The following SMC5 variants were observed in gnomAD, a reference collection of about 807,000 sequenced individuals.
SMC5 encodes the protein structural maintenance of chromosomes protein 5.
A neutral mutation model predicts 148.3 loss-of-function variants in SMC5; 88 were observed. The ratio of observed to expected loss-of-function variants is 0.59; its 90% CI spans 0.50 to 0.71. SMC5 has a LOEUF of 0.71. Among genes scored for constraint, SMC5 ranks in the 30% least tolerant of loss-of-function variants. SMC5 has a pLI of 0.00. For missense variants in SMC5, 1,142 were observed against 1,298.9 expected (o/e 0.88, Z 1.86); for synonymous variants, 421 against 432.8 (o/e 0.97, Z 0.34).
At chr9:70,268,284 A>G (rs2034346977) in intron 3 of SMC5, among the ~76,000 whole-genome samples, 1 of 152,122 alleles carries the variant, frequency 6.6e-6, no homozygotes, top group South Asian at 2.1e-4. Flanking sequence ...CGTCTCTACT[A>G]AAAATAGAAA....
chr9:70,294,206 C>G (rs2035137606), intron 8 of SMC5, among the ~76,000 whole-genome samples: 1 of 151,998 alleles, frequency 6.6e-6, no homozygotes, highest in East Asian at 1.9e-4. Flanking sequence ...GGAAGGAAGG[C>G]AGCAATAAAG....
intron 3 of SMC5, among the ~76,000 whole-genome samples, chr9:70,276,082 A>T (rs537967376): frequency 6.6e-6 from 1 of 152,366 alleles, no homozygotes; most frequent in Admixed American, 6.5e-5. Context: ...AGAGGAAATT[A>T]TTAACTTCTG....
chr9:70,277,584 A>G, intron 4 of SMC5, 112 bp downstream of exon 4: 4 of 780,036 alleles, frequency 5.1e-6, no homozygotes, highest in Non-Finnish European at 7.3e-6. Flanking sequence ...TAGCACTCTT[A>G]CAGTTCTTTG....
chr9:70,296,427 T>G (rs1426389908), intron 8 of SMC5, among the ~76,000 whole-genome samples: 3 of 152,034 alleles, frequency 2.0e-5, no homozygotes, highest in African/African-American at 7.2e-5. Flanking sequence ...CCGGGCATGG[T>G]GGCACACGCC....
rs2036855364 is a variant in SMC5, at chr9:70,354,039, C to T, written c.*1708C>T. The T allele has an allele frequency of 6.6e-6, 1 of 152,196 alleles. No individual in the cohort carries two copies. Among genetic ancestry groups the T allele is most frequent in the Non-Finnish European group, 1.5e-5 (1 of 68,030 alleles). 9.4% of individuals were successfully genotyped at this position (152,196 alleles called of 1,614,324 possible). On this transcript the variant is annotated 3_prime_UTR_variant, in exon 25 of 25. Transcript: ENST00000361138. ...AAATGGTCAATTACATTTCAATTTA[C>T]ATAGGCCAACAACTGTTCCATACTT...
At chr9:70,299,128 A>G (rs17052678) in intron 9 of SMC5, among the ~76,000 whole-genome samples, 12,148 of 151,862 alleles carry the variant, frequency 0.08, 594 homozygotes, top group African/African-American at 0.14. Context: ...CTCCCTTCTC[A>G]CATTCTAAAT....
chr9:70,288,528 T>C lies in SMC5; in HGVS notation c.1053+2257T>C, dbSNP rs562316729. 5.9e-5 allele frequency among the ~76,000 whole-genome samples: 9 copies of C among 152,176 alleles called. 1 individual carries two copies. In the South Asian group the frequency reaches 1.7e-3, roughly 28 times the overall value. ...TTCTGCTTTGAGTATTTTTTAACGTTCTTGAATTGTAAAAAGTGTGTTTCT... is the reference window on the plus strand; with the variant it reads ...TTCTGCTTTGAGTATTTTTTAACGTCCTTGAATTGTAAAAAGTGTGTTTCT... On this transcript the variant is annotated intron_variant, in intron 8 of 24. Transcript: ENST00000361138.
intron 17 of SMC5, among the ~76,000 whole-genome samples, chr9:70,337,865 T>TA (rs1341755266): frequency 1.3e-5 from 2 of 151,090 alleles, no homozygotes; most frequent in South Asian, 2.1e-4. Flanking sequence ...TTTTTTTTTT[T>TA]AACCAAGACA....
At chr9:70,291,562 G>C (rs2035061393) in intron 8 of SMC5, among the ~76,000 whole-genome samples, 1 of 152,126 alleles carries the variant, frequency 6.6e-6, no homozygotes, top group Non-Finnish European at 1.5e-5. Flanking sequence ...TATGGTTTGG[G>C]GAGAAGCTCA....
chr9:70,319,089 C>A (rs1243270512), intron 15 of SMC5, 126 bp downstream of exon 15: 3 of 887,514 alleles, frequency 3.4e-6, no homozygotes, highest in Non-Finnish European at 4.8e-6. Flanking sequence ...AATCTTTAAT[C>A]TTACTGCATA....
At chr9:70,290,182 G>A (rs897343512) in intron 8 of SMC5, among the ~76,000 whole-genome samples, 1 of 152,106 alleles carries the variant, frequency 6.6e-6, no homozygotes, top group Non-Finnish European at 1.5e-5. Flanking sequence ...TTATTTGATC[G>A]TGTTGCTTTT....
At chr9:70,270,642 ATTTTTTTTTTT>A (rs71364589) in intron 3 of SMC5, among the ~76,000 whole-genome samples, 5 of 103,818 alleles carry the variant, frequency 4.8e-5, no homozygotes, top group African/African-American at 1.1e-4. Flanking sequence ...AGACTAAATA[ATTTTTTTTTTT>A]TTTTTTTTTT....
intron 19 of SMC5, 113 bp downstream of exon 19, chr9:70,346,762 A>G (rs2036676168): frequency 1.9e-6 from 2 of 1,066,114 alleles, no homozygotes; most frequent in African/African-American, 3.1e-5. Flanking sequence ...AATTCTCTTA[A>G]CTCTCCTGTA....
chr9:70,295,066 C>T (rs80340983), intron 8 of SMC5, among the ~76,000 whole-genome samples: 2,531 of 152,186 alleles, frequency 0.017, 43 homozygotes, highest in South Asian at 0.07. Context: ...ATACCCTCCC[C>T]ACCTCCATGT....
chr9:70,331,341 AT>A (rs1358236528), intron 17 of SMC5, among the ~76,000 whole-genome samples: 1 of 152,234 alleles, frequency 6.6e-6, no homozygotes, highest in Non-Finnish European at 1.5e-5. Context: ...TAAGAAATGT[AT>A]TAACCAAATA....
At chr9:70,285,093 G>A in intron 7 of SMC5, among the ~76,000 whole-genome samples, 1 of 152,068 alleles carries the variant, frequency 6.6e-6, no homozygotes. Flanking sequence ...TATGATTTAA[G>A]CATACATACA....
chr9:70,350,403 G>A lies in SMC5; in HGVS notation c.3097G>A (p.Val1033Met), dbSNP rs377000589. Residue 1033 changes from valine (V) to methionine (M), a missense_variant, in exon 24 of 25, where the codon GTG (valine) becomes ATG (methionine). By Grantham distance (21) the Val-to-Met change is conservative. This residue lies in a region of SMC5 where 30 missense variants were observed against 65.3 expected (regional missense o/e 0.46). Transcript: ENST00000361138. Reference protein sequence around the residue: ...QGMDPINERRVFEMVVNTACK... With the variant: ...QGMDPINERRMFEMVVNTACK... ...AATGGACCCAATCAATGAACGGAGA[G>A]TGTTTGAAATGGTTGTAAATACTGC... 33 of 1,608,250 alleles carry A rather than the reference G, an allele frequency of 2.1e-5. No homozygotes were observed. Among genetic ancestry groups the A allele is most frequent in the Non-Finnish European group, 2.7e-5 (32 of 1,178,404 alleles).
At chr9:70,350,083 C>T in intron 22 of SMC5, 31 bp from the exon 23 acceptor site, 1 of 1,497,278 alleles carries the variant, frequency 6.7e-7, no homozygotes, top group African/African-American at 1.4e-5. Context: ...AGAGGAAACT[C>T]ATTTTTCATC....
chr9:70,341,811 C>G (rs1401298216), intron 17 of SMC5, among the ~76,000 whole-genome samples: 2 of 152,034 alleles, frequency 1.3e-5, no homozygotes, highest in Non-Finnish European at 2.9e-5. Flanking sequence ...CTAGTTCAAC[C>G]ATTGTGGAAG....
Sources: allele counts gnomAD v4.1 joint callset (sites outside exome capture counted in the v4.1 genomes callset), GRCh38; gene constraint gnomAD v4.1.1; regional missense constraint gnomAD v4.1.1; transcripts MANE v1.5; gene names NCBI Gene and HGNC (gene_info 2026-07-23, HGNC 2026-07-21).